Variants in USP19 observed in about 807,000 individuals in gnomAD.
USP19 encodes ubiquitin specific peptidase 19, also known as ubiquitin carboxyl-terminal hydrolase 19.
In USP19, 40 loss-of-function variants were observed where a neutral mutation model predicts 144.8. The ratio of observed to expected loss-of-function variants is 0.28; its 90% CI spans 0.21 to 0.36. The LOEUF (loss-of-function observed/expected upper bound fraction) is 0.36, where lower values mean the gene tolerates loss of function less well. Among genes scored for constraint, USP19 ranks in the 10% least tolerant of loss-of-function variants. The pLI, the probability that USP19 is intolerant of heterozygous loss-of-function variation, is 1.00. For missense variants in USP19, 1,518 were observed against 1,822.5 expected (o/e 0.83, Z 3.04); for synonymous variants, 701 against 709.3 (o/e 0.99, Z 0.19).
At position 49,109,010 on chromosome 3, in the gene USP19, G is replaced by C. The variant is rs749596510; in HGVS notation, c.4039-482C>G. The C allele has an allele frequency of 5.4e-5, 87 of 1,613,536 alleles. No individual in the cohort carries two copies. The highest frequency in any genetic ancestry group is 6.9e-5 in the Non-Finnish European group (81 of 1,179,930). ...AGGATAGAACACGTTGAGCACGAGG[G>C]CCACCAAAGCCGCCACGGTGCCCAG... On this transcript the variant is annotated intron_variant, in intron 26 of 26. Coordinates refer to ENST00000417901, the MANE Select transcript of USP19 (RefSeq NM_001199161.2).
At position 49,116,199 on chromosome 3, in the gene USP19, A is replaced by G. The variant is rs1263692957; in HGVS notation, c.1356-37T>C. The stretch of plus-strand genomic sequence containing the variant: ...GGCTGAACTCAGGGACTTAGGAGGA[A>G]TGAGCATCAGGATAGATGAGCCAGG... On this transcript the variant is annotated intron_variant, in intron 9 of 26. Coordinates refer to ENST00000417901, the MANE Select transcript of USP19 (RefSeq NM_001199161.2). The surrounding 1 kb of genome is among the most constrained non-coding windows in gnomAD (Gnocchi z 5.0). The G allele has an allele frequency of 7.4e-6, 12 of 1,613,870 alleles. No individual in the cohort carries two copies. Among genetic ancestry groups the G allele is most frequent in the Non-Finnish European group, 6.8e-6 (8 of 1,179,880 alleles).
chr3:49,120,266 G>A (rs1322733690), intron 1 of USP19, among the ~76,000 whole-genome samples: 1 of 152,210 alleles, frequency 6.6e-6, no homozygotes, highest in Non-Finnish European at 1.5e-5. Flanking sequence ...GAGGAAGGAG[G>A]GATGGCAGGA....
rs2042674603 is a variant in USP19 at position 49,108,623 on chromosome 3, G to T, written c.4039-95C>A. 1.6e-6 allele frequency: 2 copies of T among 1,263,598 alleles called. No homozygotes were observed. The highest frequency in any genetic ancestry group is 2.0e-6 in the Non-Finnish European group (2 of 999,482). The allele number at this position is 1,263,598 out of a possible 1,614,324, so 78.3% of individuals were successfully genotyped here. ...CTTGGAGCCCTGGCACCCAAGGGAG[G>T]GTCCCAAGGCAGGCGCAGACAGCAG... On this transcript the variant is annotated intron_variant, in intron 26 of 26. Transcript: ENST00000417901. This position sits in a 1 kb window ranked among gnomAD's most constrained non-coding sequence, Gnocchi z 4.8.
At position 49,115,407 on chromosome 3, in the gene USP19, C is replaced by T; in HGVS notation, c.1888+37G>A. On this transcript the variant is annotated intron_variant, in intron 12 of 26. Transcript: ENST00000417901. This position sits in a 1 kb window ranked among gnomAD's most constrained non-coding sequence, Gnocchi z 6.6. ...AAGGTGTGAGGAACAAAGGCACTCT[C>T]TCTGCCCATAACCCAGGCTCCAGGC... 2 of 1,613,808 alleles carry T rather than the reference C, an allele frequency of 1.2e-6. No homozygotes were observed. Among genetic ancestry groups the T allele is most frequent in the Non-Finnish European group, 1.7e-6 (2 of 1,179,778 alleles).
rs1214238646 is a variant in USP19, at chr3:49,116,651, G to C, written c.1127-44C>G. On this transcript the variant is annotated intron_variant, in intron 7 of 26. Coordinates refer to ENST00000417901, the MANE Select transcript of USP19 (RefSeq NM_001199161.2). The surrounding 1 kb of genome is among the most constrained non-coding windows in gnomAD (Gnocchi z 5.0). ...TCAGCCCCAACCAGGACAGGTTCCA[G>C]CCTATTGCTACTCTCTATCCACCTA... is the stretch of plus-strand genomic sequence containing the variant. 2.5e-6 allele frequency: 4 copies of C among 1,612,540 alleles called. No individual in the cohort carries two copies. The highest frequency in any genetic ancestry group is 3.4e-6 in the Non-Finnish European group (4 of 1,179,108).
At position 49,117,586 on chromosome 3, in the gene USP19, G is replaced by T. The variant is rs752100384; in HGVS notation, c.473-16C>A. 1.1e-5 allele frequency: 17 copies of T among 1,613,942 alleles called. No individual in the cohort carries two copies. The highest frequency in any genetic ancestry group is 1.2e-5 in the Non-Finnish European group (14 of 1,180,026). ...TGCTGACCACCTGGGGACAGAGCAG[G>T]GTCCATGAGGTAGGATAGGAGATAT... On this transcript the variant is annotated splice_polypyrimidine_tract_variant and intron_variant, in intron 4 of 26. Coordinates refer to ENST00000417901, the MANE Select transcript of USP19 (RefSeq NM_001199161.2). This position sits in a 1 kb window ranked among gnomAD's most constrained non-coding sequence, Gnocchi z 4.4.
Position 49,117,190 on chromosome 3 carries a change from G to A in USP19, c.778C>T (p.Pro260Ser), listed in dbSNP as rs1348894420. 15 of 1,547,882 alleles carry A rather than the reference G, an allele frequency of 9.7e-6. No homozygotes were observed. The highest frequency in any genetic ancestry group is 1.1e-5 in the Non-Finnish European group (13 of 1,146,890). Reference protein sequence around the residue: ...GRGEVGAGAGPGAQAGPSAKR... With the variant: ...GRGEVGAGAGSGAQAGPSAKR... Reference sequence around the variant, plus strand: ...GCGCTGGGCCCTGCCTGGGCCCCGGGGCCAGCCCCTGCGCCTACCTCACCA... The same window carrying A: ...GCGCTGGGCCCTGCCTGGGCCCCGGAGCCAGCCCCTGCGCCTACCTCACCA... The change falls in exon 6 of 27, where the codon CCC becomes TCC. Residue 260 changes from proline to serine, a missense_variant. By Grantham distance (74) the Pro-to-Ser change is moderately conservative. Coordinates refer to ENST00000417901, the MANE Select transcript of USP19 (RefSeq NM_001199161.2). This position sits in a 1 kb window ranked among gnomAD's most constrained non-coding sequence, Gnocchi z 4.4.
In USP19 at chr3:49,114,695, C is replaced by G; in HGVS notation, c.2292+68G>C. ...GTAGCACCTTAAGATGCACATGCCT[C>G]TGAACCTAATGTGACCAGAATAGCT... On this transcript the variant is annotated intron_variant, in intron 15 of 26. Transcript: ENST00000417901. This position sits in a 1 kb window ranked among gnomAD's most constrained non-coding sequence, Gnocchi z 4.5. 6.5e-7 allele frequency: 1 copy of G among 1,548,906 alleles called. No homozygotes were observed. The highest frequency in any genetic ancestry group is 1.7e-5 in the Admixed American group (1 of 58,742).
rs1424822074 is a variant in USP19 at position 49,114,505 on chromosome 3, G to A, written c.2293-221C>T. On this transcript the variant is annotated intron_variant, in intron 15 of 26. Transcript: ENST00000417901. The surrounding 1 kb of genome is among the most constrained non-coding windows in gnomAD (Gnocchi z 4.5). ...GCCCTACTCAGCTTAGCCACTTTAC[G>A]AATTGGCCTCACACTTGCACCCCAT... Among the ~76,000 whole-genome samples the A allele has an allele frequency of 1.3e-5, 2 of 152,162 alleles. No homozygotes were observed. The highest frequency in any genetic ancestry group is 2.4e-5 in the African/African-American group (1 of 41,434).
Position 49,111,516 on chromosome 3 carries a change from C to A in USP19, c.3201G>T (p.Arg1067Ser). The A allele has an allele frequency of 6.2e-7, 1 of 1,611,646 alleles. No homozygotes were observed. The highest frequency in any genetic ancestry group is 8.5e-7 in the Non-Finnish European group (1 of 1,179,928). ...GGATCTTACCTTCGGGTCGGGACAC[C>A]CTCTCGCCAGCTGGCAAGGAGCCAA... is the stretch of plus-strand genomic sequence containing the variant. The part of the protein sequence containing the change: ...IEVGSLPAGE[R>S]VSRPEAAVPG... The change falls in exon 21 of 27, where the codon AGG (arginine) becomes AGT (serine). Residue 1067 changes from arginine (R) to serine (S), a missense_variant. By Grantham distance (110) the Arg-to-Ser change is moderately radical (BLOSUM62 -1). Transcript: ENST00000417901. The surrounding 1 kb of genome is among the most constrained non-coding windows in gnomAD (Gnocchi z 5.9).
chr3:49,115,499 C>G lies in USP19; in HGVS notation c.1833G>C (p.Met611Ile), dbSNP rs1371170027. The G allele has an allele frequency of 5.0e-6, 8 of 1,614,116 alleles. No homozygotes were observed. Among genetic ancestry groups the G allele is most frequent in the Non-Finnish European group, 6.8e-6 (8 of 1,180,048 alleles). ...TGGACAGAGACTGAATGACGCTGTT[C>G]ATGAAGCAGGTGTTGCCTAAATTGA... ...GLVNLGNTCF[M>I]NSVIQSLSNT... is the part of the protein sequence containing the mutation. Residue 611 changes from methionine (M) to isoleucine (I), a missense_variant, in exon 12 of 27, where the codon ATG becomes ATC. This residue lies in a region of USP19 where 158 missense variants were observed against 277.3 expected (regional missense o/e 0.57). Transcript: ENST00000417901. This position sits in a 1 kb window ranked among gnomAD's most constrained non-coding sequence, Gnocchi z 6.6.
At chr3:49,118,915 C>T (rs770987810) in intron 2 of USP19, 107 bp downstream of exon 2, 1 of 1,533,038 alleles carries the variant, frequency 6.5e-7, no homozygotes, top group Non-Finnish European at 8.9e-7. Context: ...CATCATCAAA[C>T]CAGGACAGAG....
rs750323156 is a variant in USP19, at chr3:49,111,203, G to A, written c.3329-37C>T. On this transcript the variant is annotated intron_variant, in intron 22 of 26. Coordinates refer to ENST00000417901, the MANE Select transcript of USP19 (RefSeq NM_001199161.2). The surrounding 1 kb of genome is among the most constrained non-coding windows in gnomAD (Gnocchi z 5.9). ...CAGGGAGAGAGGTCATGCAGCTGTG[G>A]AGAACAGCCAGCTCAACCCACCCCA... 5.4e-4 allele frequency: 866 copies of A among 1,613,876 alleles called. No homozygotes were observed. The highest frequency in any genetic ancestry group is 1.4e-3 in the Admixed American group (83 of 59,996).
Position 49,116,073 on chromosome 3 carries a change from C to G in USP19, c.1445G>C (p.Gly482Ala), listed in dbSNP as rs1237981247. The change falls in exon 10 of 27, where the codon GGG becomes GCG. Residue 482 changes from glycine (G) to alanine (A), a missense_variant. Physicochemically the swap from Gly to Ala is moderately conservative, Grantham distance 60. This residue lies in a region of USP19 where 707 missense variants were observed against 728.9 expected (regional missense o/e 0.97). Coordinates refer to ENST00000417901, the MANE Select transcript of USP19 (RefSeq NM_001199161.2). The surrounding 1 kb of genome is among the most constrained non-coding windows in gnomAD (Gnocchi z 5.0). Reference sequence around the variant, plus strand: ...TCGTGCAGCCGGGGCCTCCAGGCCCCCCCAGCGCTGACTCTGCCTCTTACG... The same window carrying G: ...TCGTGCAGCCGGGGCCTCCAGGCCCGCCCAGCGCTGACTCTGCCTCTTACG... The part of the protein sequence containing the change: ...CLRKRQSQRW[G>A]GLEAPAARGA... The G allele has an allele frequency of 1.1e-5, 18 of 1,610,182 alleles. No individual in the cohort carries two copies. Among genetic ancestry groups the G allele is most frequent in the Non-Finnish European group, 1.5e-5 (18 of 1,179,056 alleles).
chr3:49,108,674 T>C lies in USP19; in HGVS notation c.4039-146A>G. On this transcript the variant is annotated intron_variant, in intron 26 of 26. Coordinates refer to ENST00000417901, the MANE Select transcript of USP19 (RefSeq NM_001199161.2). The surrounding 1 kb of genome is among the most constrained non-coding windows in gnomAD (Gnocchi z 4.8). ...CGGCGTTGAGACAGAGAGACGAGATTGGGCCTGAATAGTCTGGTTTTATTA... is the reference window on the plus strand; with the variant it reads ...CGGCGTTGAGACAGAGAGACGAGATCGGGCCTGAATAGTCTGGTTTTATTA... 7.7e-7 allele frequency: 1 copy of C among 1,292,480 alleles called. No individual in the cohort carries two copies. The highest frequency in any genetic ancestry group is 9.8e-7 in the Non-Finnish European group (1 of 1,020,422). The allele number at this position is 1,292,480 out of a possible 1,614,324, so 80.1% of individuals were successfully genotyped here.
chr3:49,112,252 G>C lies in USP19; in HGVS notation c.2765+32C>G, dbSNP rs959231841. ...CAGGGTGGCACATGGAAGGTGGAAA[G>C]AAAGGGTAGGGGAGACCATGGGGGT... On this transcript the variant is annotated intron_variant, in intron 19 of 26. Coordinates refer to ENST00000417901, the MANE Select transcript of USP19 (RefSeq NM_001199161.2). The surrounding 1 kb of genome is among the most constrained non-coding windows in gnomAD (Gnocchi z 4.9). 6.3e-6 allele frequency: 10 copies of C among 1,583,044 alleles called. No homozygotes were observed. In the African/African-American group the frequency reaches 1.3e-4, roughly 21 times the overall value.
Position 49,108,381 on chromosome 3 carries a change from A to T in USP19, c.*31T>A. On this transcript the variant is annotated 3_prime_UTR_variant, in exon 27 of 27. Coordinates refer to ENST00000417901, the MANE Select transcript of USP19 (RefSeq NM_001199161.2). This position sits in a 1 kb window ranked among gnomAD's most constrained non-coding sequence, Gnocchi z 4.8. ...GCTGGCCCTCTGTGTGGGTGTCCCA[A>T]ACCCAGTCCCCCCCATCAGCCAGGG... 1.0e-6 allele frequency: 1 copy of T among 964,622 alleles called. No individual in the cohort carries two copies. 59.8% of individuals were successfully genotyped at this position (964,622 alleles called of 1,614,324 possible). A position where few individuals can be genotyped will look rare whatever the true frequency, so the allele number is the denominator to read the frequency against.
rs770413789 is a variant in USP19 at position 49,115,714 on chromosome 3, G to A, written c.1692+10C>T. 7 of 1,608,270 alleles carry A rather than the reference G, an allele frequency of 4.4e-6. No homozygotes were observed. In the Admixed American group the frequency reaches 1.0e-4, roughly 23 times the overall value. ...TCCATTCTTCGTCCTTCCCACCCCAGAATTCTCACCGAGGCCAGGTGTGTC... is the reference window on the plus strand; with the variant it reads ...TCCATTCTTCGTCCTTCCCACCCCAAAATTCTCACCGAGGCCAGGTGTGTC... On this transcript the variant is annotated intron_variant, in intron 11 of 26. Coordinates refer to ENST00000417901, the MANE Select transcript of USP19 (RefSeq NM_001199161.2). The surrounding 1 kb of genome is among the most constrained non-coding windows in gnomAD (Gnocchi z 6.6).
At chr3:49,119,384 CTT>C (rs1401175289) in intron 1 of USP19, 103 bp from the exon 2 acceptor site, 2 of 474,484 alleles carry the variant, frequency 4.2e-6, no homozygotes, top group Non-Finnish European at 7.5e-6. Flanking sequence ...AGAGCTGTAT[CTT>C]CTCATCTCTT....
Sources: gnomAD v4.1 joint callset for allele counts (sites outside exome capture counted in the v4.1 genomes callset) on GRCh38, gnomAD v4.1.1 for gene constraint, gnomAD v4.1.1 regional missense constraint, Gnocchi (gnomAD v3.1) non-coding constraint, MANE v1.5 for transcripts, NCBI Gene and HGNC (gene_info 2026-07-23, HGNC 2026-07-21) for gene names.